The following RAD51B variants were observed in gnomAD, a reference collection of about 807,000 sequenced individuals.
RAD51B encodes the protein RAD51 paralog B.
A neutral mutation model predicts 42.2 loss-of-function variants in RAD51B; 38 were observed. That is an observed-to-expected ratio of 0.90 (90% CI 0.70 to 1.18). The LOEUF is 1.18. Among genes scored for constraint, RAD51B ranks in the 50% most tolerant of loss-of-function variants. The pLI is 0.00. For synonymous variants in RAD51B, 154 were observed against 145.2 expected (o/e 1.06, Z -0.43); for missense variants, 373 against 400.7 (o/e 0.93, Z 0.59).
intron 8 of RAD51B, among the ~76,000 whole-genome samples, chr14:68,315,580 G>A (rs1369542522): frequency 6.6e-6 from 1 of 151,950 alleles, no homozygotes; most frequent in African/African-American, 2.4e-5. Context: ...GGAGTGCAGT[G>A]GCGTGATCTC....
At chr14:68,570,090 C>T (rs1168980534) in intron 10 of RAD51B, among the ~76,000 whole-genome samples, 3 of 152,190 alleles carry the variant, frequency 2.0e-5, no homozygotes, top group Admixed American at 1.3e-4. Context: ...CCCTGTTTAC[C>T]TAATGTGGCC....
At chr14:67,966,294 A>G (rs1291677637) in intron 7 of RAD51B, among the ~76,000 whole-genome samples, 1 of 152,178 alleles carries the variant, frequency 6.6e-6, no homozygotes, top group Admixed American at 6.5e-5. Context: ...TAAGGGGTAA[A>G]TTGAAAGAGG....
intron 7 of RAD51B, among the ~76,000 whole-genome samples, chr14:68,138,142 G>A (rs2078048830): frequency 1.2e-5 from 1 of 86,772 alleles, no homozygotes; most frequent in East Asian, 5.0e-4. Context: ...TTCCCATTTA[G>A]TATTTTTTTT....
chr14:68,152,087 G>GC (rs937692627), intron 7 of RAD51B, among the ~76,000 whole-genome samples: 46 of 151,872 alleles, frequency 3.0e-4, no homozygotes. Flanking sequence ...CAGGTGATCT[G>GC]CCCACCTTGG....
At chr14:68,493,565 G>A (rs1440966982) in intron 10 of RAD51B, among the ~76,000 whole-genome samples, 1 of 152,222 alleles carries the variant, frequency 6.6e-6, no homozygotes, top group Non-Finnish European at 1.5e-5. Context: ...CCCACGATTA[G>A]CTCGGATTTT....
intron 7 of RAD51B, among the ~76,000 whole-genome samples, chr14:67,957,688 G>A (rs939090422): frequency 6.6e-6 from 1 of 152,108 alleles, no homozygotes; most frequent in African/African-American, 2.4e-5. Flanking sequence ...CCCCCAAATA[G>A]TTTACTTGGT....
intron 7 of RAD51B, among the ~76,000 whole-genome samples, chr14:67,998,148 T>G (rs1174852389): frequency 6.6e-6 from 1 of 152,216 alleles, no homozygotes; most frequent in Non-Finnish European, 1.5e-5. Flanking sequence ...ATCTCTAAGT[T>G]ATTGTGATGT....
At chr14:68,200,957 A>G (rs562639464) in intron 7 of RAD51B, among the ~76,000 whole-genome samples, 2 of 152,122 alleles carry the variant, frequency 1.3e-5, no homozygotes, top group East Asian at 1.9e-4. Context: ...GCCCATCCAC[A>G]TGGTTTTTTC....
chr14:67,847,931 A>C (rs543966270), intron 4 of RAD51B, among the ~76,000 whole-genome samples: 1 of 152,294 alleles, frequency 6.6e-6, no homozygotes, highest in African/African-American at 2.4e-5. Flanking sequence ...TTTATCAGTC[A>C]AGAAGAACTT....
intron 8 of RAD51B, among the ~76,000 whole-genome samples, chr14:68,349,669 C>G (rs1231862799): frequency 6.6e-6 from 1 of 152,136 alleles, no homozygotes; most frequent in African/African-American, 2.4e-5. Context: ...CCTGGCTTCC[C>G]TACTTTTTTA....
chr14:68,452,953 T>C (rs2085594718), intron 9 of RAD51B, among the ~76,000 whole-genome samples: 1 of 152,152 alleles, frequency 6.6e-6, no homozygotes, highest in African/African-American at 2.4e-5. Flanking sequence ...CCAAGCCTCC[T>C]TTTTTTAGCC....
At chr14:68,281,477 G>T (rs919885465) in intron 7 of RAD51B, among the ~76,000 whole-genome samples, 1 of 152,184 alleles carries the variant, frequency 6.6e-6, no homozygotes, top group African/African-American at 2.4e-5. Flanking sequence ...ACCTGAGTAG[G>T]TGTGGAATAA....
chr14:68,499,895 T>C (rs1452384178), intron 10 of RAD51B, among the ~76,000 whole-genome samples: 1 of 152,162 alleles, frequency 6.6e-6, no homozygotes, highest in South Asian at 2.1e-4. Context: ...ATTTCTGTGG[T>C]TTTAGGCCAC....
chr14:67,988,866 G>T (rs2075240889), intron 7 of RAD51B, among the ~76,000 whole-genome samples: 1 of 152,178 alleles, frequency 6.6e-6, no homozygotes, highest in African/African-American at 2.4e-5. Flanking sequence ...AATATAGTTT[G>T]TAATGTATAA....
At chr14:68,057,806 T>C (rs2076501127) in intron 7 of RAD51B, among the ~76,000 whole-genome samples, 1 of 146,136 alleles carries the variant, frequency 6.8e-6, no homozygotes, top group South Asian at 2.2e-4. Flanking sequence ...AATGTGACTG[T>C]AACCTTTTAG....
At chr14:68,147,817 AG>A (rs2078285914) in intron 7 of RAD51B, among the ~76,000 whole-genome samples, 2 of 151,330 alleles carry the variant, frequency 1.3e-5, no homozygotes, top group African/African-American at 4.9e-5. Context: ...AAAAAAAAAA[AG>A]AGCTTTATTG....
chr14:68,551,502 C>T (rs969971363), intron 10 of RAD51B, among the ~76,000 whole-genome samples: 2 of 152,186 alleles, frequency 1.3e-5, no homozygotes, highest in Admixed American at 1.3e-4. Flanking sequence ...GCAGGATTCC[C>T]CCCTTCCCAA....
chr14:68,041,405 C>T (rs1303026597), intron 7 of RAD51B, among the ~76,000 whole-genome samples: 2 of 152,152 alleles, frequency 1.3e-5, no homozygotes, highest in Non-Finnish European at 2.9e-5. Flanking sequence ...TTCTGAGCTG[C>T]AACTATTTTT....
In RAD51B at chr14:68,092,131, A is replaced by G. The variant is rs1022931248; in HGVS notation, c.757-199753A>G. On this transcript the variant is annotated intron_variant, in intron 7 of 10. Transcript: ENST00000471583. ...GTAGTATAGTTTGAAGTCAGGTAGC[A>G]TGATGCCTCCAGCTTTGTTCTTTTG... 1.4e-4 allele frequency among the ~76,000 whole-genome samples: 21 copies of G among 152,282 alleles called. No individual in the cohort carries two copies. The East Asian group carries it at 2.1e-3, about 15-fold the overall frequency.
Sources: gnomAD v4.1 joint callset for allele counts (sites outside exome capture counted in the v4.1 genomes callset) on GRCh38, gnomAD v4.1.1 for gene constraint, MANE v1.5 for transcripts, NCBI Gene and HGNC (gene_info 2026-07-23, HGNC 2026-07-21) for gene names.